The following RHBDL3 variants were observed in gnomAD, a reference collection of about 807,000 sequenced individuals.
RHBDL3 encodes the protein rhomboid-related protein 3.
In RHBDL3, 28 loss-of-function variants were observed where a neutral mutation model predicts 48.2. The ratio of observed to expected loss-of-function variants is 0.58; its 90% confidence interval spans 0.43 to 0.80. The LOEUF is 0.80. RHBDL3 is among the 30% of genes least tolerant of loss of function. The pLI is 0.00. For synonymous variants in RHBDL3, 208 were observed against 232.3 expected (o/e 0.90, Z 0.95); for missense variants, 464 against 542.7 (o/e 0.85, Z 1.44).
At chr17:32,296,775 T>TTTTA (rs2040461698) in intron 5 of RHBDL3, among the ~76,000 whole-genome samples, 7 of 141,092 alleles carry the variant, frequency 5.0e-5, no homozygotes, top group Non-Finnish European at 1.1e-4. Context: ...CCGTAGCTCT[T>TTTTA]TTTTATTTTA....
At chr17:32,293,690 C>T (rs1005570770) in intron 4 of RHBDL3, among the ~76,000 whole-genome samples, 5 of 152,028 alleles carry the variant, frequency 3.3e-5, no homozygotes, top group Admixed American at 6.5e-5. Flanking sequence ...CAAGTGGGTG[C>T]GTGAGTTATT....
At chr17:32,277,689 G>A (rs1265149292) in intron 2 of RHBDL3, among the ~76,000 whole-genome samples, 1 of 152,224 alleles carries the variant, frequency 6.6e-6, no homozygotes, top group Admixed American at 6.5e-5. Context: ...GGAAGTGAAA[G>A]GCTCTGGTTC....
chr17:32,294,209 G>C, intron 4 of RHBDL3, 85 bp from the exon 5 acceptor site: 1 of 1,142,598 alleles, frequency 8.8e-7, no homozygotes, highest in Non-Finnish European at 1.3e-6. Flanking sequence ...ATAACTTCCT[G>C]TAGGGACTCC....
In RHBDL3 at chr17:32,321,388, G is replaced by A. The variant is rs2041130058; in HGVS notation, c.*159G>A. The A allele has an allele frequency of 1.3e-6, 2 of 1,532,478 alleles. No individual in the cohort carries two copies. Among genetic ancestry groups the A allele is most frequent in the African/African-American group, 1.4e-5 (1 of 73,026 alleles). 94.9% of individuals were successfully genotyped at this position (1,532,478 alleles called of 1,614,324 possible). On this transcript the variant is annotated 3_prime_UTR_variant, in exon 9 of 9. Transcript: ENST00000269051. The stretch of plus-strand genomic sequence containing the variant: ...TGTGTTTAGATTTGGACACACAGTG[G>A]AGACCCTTTTCTGAAAGGCATCTGG...
chr17:32,283,558 T>A (rs556804660), intron 2 of RHBDL3, among the ~76,000 whole-genome samples: 3 of 151,720 alleles, frequency 2.0e-5, no homozygotes, highest in Admixed American at 6.6e-5. Context: ...CTCCTGACCT[T>A]GTGATCCGCC....
chr17:32,274,408 C>A (rs1049432050), intron 2 of RHBDL3, among the ~76,000 whole-genome samples: 4 of 152,214 alleles, frequency 2.6e-5, no homozygotes, highest in African/African-American at 9.6e-5. Context: ...CATCACCATT[C>A]CCCAGGCTTT....
rs1227223985 is a variant in RHBDL3 at position 32,267,436 on chromosome 17, GGGA to G, written c.112-463_112-461del. Among the ~76,000 whole-genome samples the G allele has an allele frequency of 5.6e-4, 80 of 143,968 alleles. 3 individuals carry two copies. Among genetic ancestry groups the G allele is most frequent in the African/African-American group, 1.9e-3 (70 of 36,516 alleles). The allele number at this position is 143,968 out of a possible 152,430, so 94.4% of individuals were successfully genotyped here. A position where few individuals can be genotyped will look rare whatever the true frequency, so the allele number is the denominator to read the frequency against. ...ATGCAGAGGTGAGTTCTCCTGGGGGGGGAGGGGGGGGCTCTAGCTCCCAGCAGG... is the reference window on the plus strand; with the variant it reads ...ATGCAGAGGTGAGTTCTCCTGGGGGGGGGGGGGGCTCTAGCTCCCAGCAGG... On this transcript the variant is annotated intron_variant, in intron 1 of 8. Coordinates refer to ENST00000269051, the MANE Select transcript of RHBDL3 (RefSeq NM_138328.3).
intron 8 of RHBDL3, among the ~76,000 whole-genome samples, chr17:32,317,397 C>G (rs1016192865): frequency 6.6e-6 from 1 of 152,176 alleles, no homozygotes; most frequent in Non-Finnish European, 1.5e-5. Flanking sequence ...TTAGCAGGTT[C>G]GCAAACTGTA....
At chr17:32,286,619 C>T (rs566309602) in intron 3 of RHBDL3, among the ~76,000 whole-genome samples, 1 of 152,352 alleles carries the variant, frequency 6.6e-6, no homozygotes, top group East Asian at 1.9e-4. Context: ...TAATGTTCTT[C>T]CACCAGGTAA....
intron 3 of RHBDL3, 27 bp downstream of exon 3, chr17:32,284,844 CG>C: frequency 2.5e-6 from 4 of 1,601,810 alleles, no homozygotes; most frequent in South Asian, 2.2e-5. Context: ...CCTTGGTACT[CG>C]GGGGGACCTG....
At chr17:32,307,645 G>A (rs1321418355) in intron 7 of RHBDL3, among the ~76,000 whole-genome samples, 2 of 152,198 alleles carry the variant, frequency 1.3e-5, no homozygotes, top group East Asian at 3.8e-4. Context: ...GAGGCTGCGG[G>A]TGTTGGGAAA....
intron 6 of RHBDL3, among the ~76,000 whole-genome samples, chr17:32,300,848 G>A (rs2150734352): frequency 6.6e-6 from 1 of 151,662 alleles, no homozygotes; most frequent in South Asian, 2.1e-4. Context: ...TAGAACTAGG[G>A]AGGAGCCCTT....
At chr17:32,303,589 T>C (rs1482857508) in intron 6 of RHBDL3, among the ~76,000 whole-genome samples, 1 of 152,240 alleles carries the variant, frequency 6.6e-6, no homozygotes, top group African/African-American at 2.4e-5. Context: ...GAAAGATTTA[T>C]AGTTGCCCTG....
chr17:32,280,636 A>G (rs2040020266), intron 2 of RHBDL3: 1 of 152,112 alleles, frequency 6.6e-6, no homozygotes, highest in African/African-American at 2.4e-5. Flanking sequence ...AAGGTAGCCC[A>G]CTTTGTAGAT....
chr17:32,308,127 T>C (rs2040753411), intron 7 of RHBDL3, among the ~76,000 whole-genome samples: 1 of 152,168 alleles, frequency 6.6e-6, no homozygotes, highest in African/African-American at 2.4e-5. Context: ...AGCAGTTTTG[T>C]TCCAGTTGAT....
At position 32,266,413 on chromosome 17, in the gene RHBDL3, C is replaced by A. The variant is rs1260936341; in HGVS notation, c.111+113C>A. The A allele has an allele frequency of 1.7e-5, 9 of 515,474 alleles. No homozygotes were observed. In the East Asian group the frequency reaches 3.2e-4, roughly 18 times the overall value. 31.9% of individuals were successfully genotyped at this position (515,474 alleles called of 1,614,324 possible). On this transcript the variant is annotated intron_variant, in intron 1 of 8. Coordinates refer to ENST00000269051, the MANE Select transcript of RHBDL3 (RefSeq NM_138328.3). Reference sequence around the variant, plus strand: ...GAGGTTTCAGGGTGACGCGGGAGCGCCCCGGATTGGCCGGGTCCCCGCGGG... The same window carrying A: ...GAGGTTTCAGGGTGACGCGGGAGCGACCCGGATTGGCCGGGTCCCCGCGGG...
intron 1 of RHBDL3, among the ~76,000 whole-genome samples, chr17:32,267,201 G>A (rs981962427): frequency 6.6e-6 from 1 of 152,090 alleles, no homozygotes; most frequent in Non-Finnish European, 1.5e-5. Context: ...GGTAGTTTAC[G>A]ATCTTCTCTC....
At position 32,321,570 on chromosome 17, in the gene RHBDL3, A is replaced by ATACG; in HGVS notation, c.*341_*342insTACG. 3 of 447,190 alleles carry ATACG rather than the reference A, an allele frequency of 6.7e-6. No homozygotes were observed. Among genetic ancestry groups the ATACG allele is most frequent in the East Asian group, 4.7e-5 (1 of 21,388 alleles). 27.7% of individuals were successfully genotyped at this position (447,190 alleles called of 1,614,324 possible). ...GGTGCCCCCTCACTGCTGCGGATTG[A>ATACG]GCAGCAGCTTCTTCCTCCTCCTCTA... On this transcript the variant is annotated 3_prime_UTR_variant, in exon 9 of 9. Transcript: ENST00000269051.
At chr17:32,284,988 A>G (rs568997142) in intron 3 of RHBDL3, among the ~76,000 whole-genome samples, 171 bp downstream of exon 3, 70 of 152,316 alleles carry the variant, frequency 4.6e-4, no homozygotes, top group Admixed American at 1.5e-3. Flanking sequence ...CTTTGTCTCT[A>G]GGCTCTGCCC....
Sources: allele counts gnomAD v4.1 joint callset (sites outside exome capture counted in the v4.1 genomes callset), GRCh38; gene constraint gnomAD v4.1.1; transcripts MANE v1.5; gene names NCBI Gene and HGNC (gene_info 2026-07-23, HGNC 2026-07-21).